Variants in MSI2 observed in about 807,000 individuals in gnomAD.
MSI2 encodes the protein RNA-binding protein Musashi homolog 2.
A neutral mutation model predicts 45.6 loss-of-function variants in MSI2; 17 were observed. That is an observed-to-expected ratio of 0.37 (90% CI 0.26 to 0.56). The LOEUF (loss-of-function observed/expected upper bound fraction) is 0.56. MSI2 is among the 20% of genes least tolerant of loss of function. The pLI is 0.77. For missense variants in MSI2, 293 were observed against 444.2 expected, an observed-to-expected ratio of 0.66 and a Z score of 3.06; for synonymous variants, 156 against 158.2, an observed-to-expected ratio of 0.99 and a Z score of 0.11.
At chr17:57,631,519 ATAAATG>A (rs1909371414) in intron 10 of MSI2, 1 of 401,992 alleles carries the variant, frequency 2.5e-6, no homozygotes, top group Admixed American at 4.4e-5. Context: ...TTCTGTCAGA[ATAAATG>A]TTCCTAGAGA....
At position 57,684,450 on chromosome 17, in the gene MSI2, C is replaced by CTA. The variant is rs146380370; in HGVS notation, c.*4943_*4944dup. On this transcript the variant is annotated 3_prime_UTR_variant, in exon 14 of 14. Transcript: ENST00000284073. The stretch of plus-strand genomic sequence containing the variant: ...ATATATATACATATATATGTACTAT[C>CTA]TATATATATATCTCAAGCATCTTTC... The CTA allele has an allele frequency of 0.015, 2,533 of 173,612 alleles. 52 individuals are homozygous for CTA. Among genetic ancestry groups the CTA allele is most frequent in the African/African-American group, 0.056 (2,312 of 41,566 alleles). 10.8% of individuals were successfully genotyped at this position (173,612 alleles called of 1,614,324 possible). A position where few individuals can be genotyped will look rare whatever the true frequency, so the allele number is the denominator to read the frequency against.
At chr17:57,256,871 G>C (rs1301949084) in intron 1 of MSI2, 67 bp downstream of exon 1, 8 of 1,279,676 alleles carry the variant, frequency 6.3e-6, no homozygotes, top group Non-Finnish European at 4.2e-6. Context: ...CGGGGACGGC[G>C]GTGCGCGGAG....
intron 10 of MSI2, among the ~76,000 whole-genome samples, chr17:57,649,200 A>C (rs1910931202): frequency 6.6e-6 from 1 of 152,146 alleles, no homozygotes; most frequent in Non-Finnish European, 1.5e-5. Flanking sequence ...CAATACGTAC[A>C]CTCAATATAC....
intron 6 of MSI2, among the ~76,000 whole-genome samples, chr17:57,405,163 C>T (rs140781408): frequency 6.3e-4 from 96 of 152,270 alleles, no homozygotes; most frequent in African/African-American, 2.3e-3. Context: ...TGGGTTGTTC[C>T]TTTGCTGGCC....
chr17:57,534,906 T>C (rs1021272801), intron 7 of MSI2, among the ~76,000 whole-genome samples: 17 of 152,234 alleles, frequency 1.1e-4, no homozygotes, highest in Non-Finnish European at 2.4e-4. Context: ...TGATCGTCAA[T>C]GGATTTAATC....
intron 6 of MSI2, among the ~76,000 whole-genome samples, chr17:57,494,365 C>T (rs1598331493): frequency 6.6e-6 from 1 of 152,222 alleles, no homozygotes. Flanking sequence ...AGAAGCGTCC[C>T]GCAAGAGCCT....
intron 10 of MSI2, among the ~76,000 whole-genome samples, chr17:57,637,521 A>T (rs1345706362): frequency 6.6e-6 from 1 of 152,244 alleles, no homozygotes; most frequent in Non-Finnish European, 1.5e-5. Context: ...CTGCATAAAT[A>T]AACGGAAATG....
intron 5 of MSI2, among the ~76,000 whole-genome samples, chr17:57,299,230 T>G (rs1187836324): frequency 6.6e-6 from 1 of 152,256 alleles, no homozygotes; most frequent in African/African-American, 2.4e-5. Flanking sequence ...TTTCTCCGTA[T>G]CAGCAATAAG....
At chr17:57,580,151 T>C (rs2088162592) in intron 7 of MSI2, among the ~76,000 whole-genome samples, 1 of 152,128 alleles carries the variant, frequency 6.6e-6, no homozygotes, top group Admixed American at 6.5e-5. Context: ...CTGCCTTCAT[T>C]ATTCCTGGGG....
intron 6 of MSI2, among the ~76,000 whole-genome samples, chr17:57,472,738 C>T (rs566722978): frequency 1.1e-4 from 16 of 152,298 alleles, no homozygotes; most frequent in African/African-American, 3.6e-4. Context: ...GATCCTGGTA[C>T]GTCGTAAACA....
chr17:57,557,445 T>C (rs955029492), intron 7 of MSI2, among the ~76,000 whole-genome samples: 3 of 152,232 alleles, frequency 2.0e-5, no homozygotes, highest in Admixed American at 6.5e-5. Context: ...CAGACTCTCA[T>C]GCATAACAAG....
intron 6 of MSI2, among the ~76,000 whole-genome samples, chr17:57,472,508 G>GT (rs2085457076): frequency 1.7e-5 from 1 of 58,542 alleles, no homozygotes; most frequent in Non-Finnish European, 4.4e-5. Context: ...TGATGGGAAG[G>GT]GAGGGGGCCA....
intron 6 of MSI2, among the ~76,000 whole-genome samples, chr17:57,426,504 A>T: frequency 6.6e-6 from 1 of 152,254 alleles, no homozygotes; most frequent in East Asian, 1.9e-4. Flanking sequence ...CTCCAATTAT[A>T]AAGTTTTAGC....
intron 5 of MSI2, among the ~76,000 whole-genome samples, chr17:57,397,455 A>C (rs1377188382): frequency 6.6e-6 from 1 of 152,224 alleles, no homozygotes; most frequent in African/African-American, 2.4e-5. Flanking sequence ...TCACGTGTCC[A>C]TAGAAACCTT....
At chr17:57,400,878 TC>T (rs1414860059) in intron 5 of MSI2, among the ~76,000 whole-genome samples, 10 of 152,072 alleles carry the variant, frequency 6.6e-5, no homozygotes, top group African/African-American at 2.4e-4. Context: ...CAGGGTGGTC[TC>T]CAGGTGCGAG....
At chr17:57,670,780 T>C (rs1490609704) in intron 11 of MSI2, among the ~76,000 whole-genome samples, 2 of 152,244 alleles carry the variant, frequency 1.3e-5, no homozygotes, top group Non-Finnish European at 2.9e-5. Context: ...TAAATCTGCA[T>C]GTGGTACCTG....
intron 6 of MSI2, among the ~76,000 whole-genome samples, chr17:57,468,110 A>G (rs1345081740): frequency 6.6e-6 from 1 of 151,702 alleles, no homozygotes; most frequent in African/African-American, 2.4e-5. Flanking sequence ...TGGTGCCACC[A>G]TTTACTGTCT....
chr17:57,655,246 C>T (rs912286155), intron 11 of MSI2, among the ~76,000 whole-genome samples: 1 of 152,126 alleles, frequency 6.6e-6, no homozygotes, highest in Admixed American at 6.5e-5. Flanking sequence ...TTTCCCTTCA[C>T]CTGGTAGTTT....
intron 6 of MSI2, among the ~76,000 whole-genome samples, chr17:57,459,989 C>T (rs951111723): frequency 4.6e-5 from 7 of 151,756 alleles, no homozygotes; most frequent in Non-Finnish European, 7.4e-5. Context: ...ATTAGCTGGG[C>T]GTGATGACAG....
Sources: allele counts gnomAD v4.1 joint callset (sites outside exome capture counted in the v4.1 genomes callset), GRCh38; gene constraint gnomAD v4.1.1; transcripts MANE v1.5; gene names NCBI Gene and HGNC (gene_info 2026-07-23, HGNC 2026-07-21).